Variants in RNF114 observed in about 807,000 individuals in gnomAD.
RNF114 encodes ring finger protein 114, also known as E3 ubiquitin-protein ligase RNF114.
In RNF114, 6 loss-of-function variants were observed where a neutral mutation model predicts 28.4. That is an observed-to-expected ratio of 0.21 (90% confidence interval 0.12 to 0.42). The LOEUF is 0.42. Among genes scored for constraint, RNF114 ranks in the 10% least tolerant of loss-of-function variants. RNF114 has a pLI of 1.00. For synonymous variants in RNF114, 115 were observed against 116.7 expected, an observed-to-expected ratio of 0.99 and a Z score of 0.09; for missense variants, 249 against 311.7, an observed-to-expected ratio of 0.80 and a Z score of 1.51.
chr20:49,952,250 C>G lies in RNF114; in HGVS notation c.*109C>G. 3.0e-6 allele frequency: 3 copies of G among 994,926 alleles called. No individual in the cohort carries two copies. Among genetic ancestry groups the G allele is most frequent in the Non-Finnish European group, 4.8e-6 (3 of 623,652 alleles). The allele number at this position is 994,926 out of a possible 1,614,324, so 61.6% of individuals were successfully genotyped here. ...CCTGTTCAACAGACCTGAAAATGAG[C>G]CATGGCATTGGGACAGGGTCACTTC... On this transcript the variant is annotated 3_prime_UTR_variant, in exon 6 of 6. Transcript: ENST00000244061.
intron 2 of RNF114, chr20:49,941,997 G>A: frequency 3.0e-6 from 1 of 337,438 alleles, no homozygotes; most frequent in Non-Finnish European, 5.4e-6. Flanking sequence ...AGGCGCGGTG[G>A]CTCATTCCTG....
At chr20:49,941,504 A>G in intron 1 of RNF114, 57 bp from the exon 2 acceptor site, 2 of 1,508,928 alleles carry the variant, frequency 1.3e-6, no homozygotes, top group South Asian at 1.3e-5. Flanking sequence ...GTTGATCCAT[A>G]TTTGTCGTCT....
chr20:49,948,186 A>G (rs1413616325), intron 4 of RNF114, among the ~76,000 whole-genome samples: 1 of 152,088 alleles, frequency 6.6e-6, no homozygotes, highest in Non-Finnish European at 1.5e-5. Flanking sequence ...CCCCAGCTAC[A>G]GCTGCCTGCC....
chr20:49,949,026 T>C (rs2090345742), intron 4 of RNF114, among the ~76,000 whole-genome samples: 1 of 152,034 alleles, frequency 6.6e-6, no homozygotes, highest in Non-Finnish European at 1.5e-5. Context: ...TGAGAAAGGG[T>C]GGTATCATGA....
chr20:49,951,974 A>T lies in RNF114; in HGVS notation c.622-102A>T, dbSNP rs141913216. 2.5e-4 allele frequency: 228 copies of T among 926,716 alleles called. No individual in the cohort carries two copies. The East Asian group carries it at 4.8e-3, about 20-fold the overall frequency. The allele number at this position is 926,716 out of a possible 1,614,324, so 57.4% of individuals were successfully genotyped here. On this transcript the variant is annotated intron_variant, in intron 5 of 5. Transcript: ENST00000244061. ...TGCACTGGGGATCCGGTCCCTGGCA[A>T]CCTGCTCCGGATCCAGTTGCTAGGC... is the stretch of plus-strand genomic sequence containing the variant.
chr20:49,945,585 T>C (rs1189828880), intron 3 of RNF114, 97 bp downstream of exon 3: 22 of 692,456 alleles, frequency 3.2e-5, no homozygotes, highest in South Asian at 2.4e-4. Context: ...ATTGTTATGC[T>C]GGCTAAAGCT....
At chr20:49,943,726 T>A (rs1385352732) in intron 2 of RNF114, among the ~76,000 whole-genome samples, 1 of 136,658 alleles carries the variant, frequency 7.3e-6, no homozygotes, top group Non-Finnish European at 1.5e-5. Context: ...TGGCGTGATC[T>A]CAGCTCACTG....
intron 4 of RNF114, among the ~76,000 whole-genome samples, chr20:49,949,023 G>A (rs553115830): frequency 6.6e-6 from 1 of 152,184 alleles, no homozygotes; most frequent in African/African-American, 2.4e-5. Context: ...GAATGAGAAA[G>A]GGTGGTATCA....
intron 4 of RNF114, among the ~76,000 whole-genome samples, chr20:49,948,382 C>T (rs1311255135): frequency 6.6e-6 from 1 of 151,946 alleles, no homozygotes. Context: ...CAGTAACTGC[C>T]GCCTTCTGGC....
At chr20:49,948,975 C>T (rs1241996089) in intron 4 of RNF114, among the ~76,000 whole-genome samples, 1 of 152,166 alleles carries the variant, frequency 6.6e-6, no homozygotes, top group Admixed American at 6.5e-5. Context: ...CAGTCTAGGC[C>T]CCCCACCAGG....
chr20:49,953,240 C>G lies in RNF114; in HGVS notation c.*1099C>G, dbSNP rs1417127496. On this transcript the variant is annotated 3_prime_UTR_variant, in exon 6 of 6. Coordinates refer to ENST00000244061, the MANE Select transcript of RNF114 (RefSeq NM_018683.4). ...TGGTCTGTTCTGACGAGACATCGTTCATAAGGCACAGCACATCGCAAGATG... is the reference window on the plus strand; with the variant it reads ...TGGTCTGTTCTGACGAGACATCGTTGATAAGGCACAGCACATCGCAAGATG... The G allele has an allele frequency of 6.6e-6, 1 of 152,132 alleles. No homozygotes were observed. The highest frequency in any genetic ancestry group is 2.4e-5 in the African/African-American group (1 of 41,408). 9.4% of individuals were successfully genotyped at this position (152,132 alleles called of 1,614,324 possible).
At chr20:49,940,966 C>T (rs2090305464) in intron 1 of RNF114, 1 of 152,356 alleles carries the variant, frequency 6.6e-6, no homozygotes, top group Non-Finnish European at 1.5e-5. Flanking sequence ...GTCTCAAACT[C>T]CTGACCTCGT....
intron 1 of RNF114, 84 bp from the exon 2 acceptor site, chr20:49,941,477 T>C: frequency 3.5e-6 from 5 of 1,433,316 alleles, no homozygotes; most frequent in Non-Finnish European, 4.7e-6. Context: ...CCATTATCCA[T>C]TGATGTCTTT....
intron 5 of RNF114, 150 bp from the exon 6 acceptor site, chr20:49,951,926 A>G (rs2090356626): frequency 1.6e-6 from 1 of 616,316 alleles, no homozygotes; most frequent in Non-Finnish European, 3.0e-6. Context: ...TCCCAAAGTT[A>G]CATACCTAGC....
chr20:49,939,686 C>G (rs1392736833), intron 1 of RNF114, among the ~76,000 whole-genome samples: 2 of 151,836 alleles, frequency 1.3e-5, no homozygotes, highest in African/African-American at 4.8e-5. Context: ...TTCAGTCAGA[C>G]CCTCACAATC....
Position 49,936,514 on chromosome 20 carries a change from G to T in RNF114, c.102G>T (p.Glu34Asp), listed in dbSNP as rs1031417517. ...LGRFTCPVCL[E>D]VYEKPVQVPC... is the part of the protein sequence containing the mutation. ...GCTTCACGTGTCCCGTGTGCTTAGA[G>T]GTGTACGAGAAGCCGGTACAGGTGC... Residue 34 changes from glutamate to aspartate, a missense_variant, in exon 1 of 6, where the codon GAG (glutamate) becomes GAT (aspartate). Around this residue, in one of 2 missense-constraint regions of RNF114, gnomAD observed 123 missense variants for 106.4 expected, o/e 1.16. Coordinates refer to ENST00000244061, the MANE Select transcript of RNF114 (RefSeq NM_018683.4). 1.9e-6 allele frequency: 3 copies of T among 1,584,610 alleles called. No homozygotes were observed. In the South Asian group the frequency reaches 3.4e-5, roughly 18 times the overall value.
chr20:49,937,379 C>T (rs1019800667), intron 1 of RNF114, among the ~76,000 whole-genome samples: 1 of 152,152 alleles, frequency 6.6e-6, no homozygotes, highest in Non-Finnish European at 1.5e-5. Context: ...TCCTCTGGCC[C>T]CTCTCAGTGC....
intron 4 of RNF114, among the ~76,000 whole-genome samples, chr20:49,947,796 TTTTTTTTTTTTTTGA>T (rs2090339628): frequency 9.6e-6 from 1 of 103,644 alleles, no homozygotes; most frequent in Admixed American, 1.0e-4. Flanking sequence ...TTTTTTTTTT[TTTTTTTTTTTTTTGA>T]GGCGGAGTTT....
intron 2 of RNF114, chr20:49,944,008 A>T (rs1032275362): frequency 6.6e-6 from 1 of 151,596 alleles, no homozygotes; most frequent in Non-Finnish European, 1.5e-5. Flanking sequence ...GATTATAGGC[A>T]TGAGCCATTG....
Sources: gnomAD v4.1 joint callset for allele counts (sites outside exome capture counted in the v4.1 genomes callset) on GRCh38, gnomAD v4.1.1 for gene constraint, gnomAD v4.1.1 regional missense constraint, MANE v1.5 for transcripts, NCBI Gene and HGNC (gene_info 2026-07-23, HGNC 2026-07-21) for gene names.